TMEM245: variants seen among roughly 807,000 people sequenced by gnomAD.
TMEM245 encodes protein CG-2.
TMEM245 carries 69 observed loss-of-function variants against 101.2 expected under a neutral mutation model. The ratio of observed to expected loss-of-function variants is 0.68; its 90% CI spans 0.56 to 0.83. The LOEUF (loss-of-function observed/expected upper bound fraction) is 0.83. Ranked by LOEUF, TMEM245 falls within the 40% of genes least tolerant of loss-of-function variation. The pLI is 0.00. For missense variants in TMEM245, 1,075 were observed against 1,092.8 expected (o/e 0.98, Z 0.23); for synonymous variants, 537 against 449.8 (o/e 1.19, Z -2.45).
rs576858233 is a variant in TMEM245, at chr9:109,099,985, T to C, written c.800-6394A>G. The stretch of plus-strand genomic sequence containing the variant: ...CTCACCAGATGCCAGCACCTTGACA[T>C]TGGCCTTCTCAGCCTCCAGAACTGT... On this transcript the variant is annotated intron_variant, in intron 3 of 17. Coordinates refer to ENST00000374586, the MANE Select transcript of TMEM245 (RefSeq NM_032012.4). 3.3e-5 allele frequency among the ~76,000 whole-genome samples: 5 copies of C among 152,312 alleles called. No individual in the cohort carries two copies. The South Asian group carries it at 8.3e-4, about 25-fold the overall frequency.
At chr9:109,075,922 A>C (rs1196265203) in intron 8 of TMEM245, among the ~76,000 whole-genome samples, 3 of 152,190 alleles carry the variant, frequency 2.0e-5, no homozygotes, top group Non-Finnish European at 4.4e-5. Flanking sequence ...CTAGCTTCTG[A>C]AGGTGGAAAC....
chr9:109,083,901 C>CAAAAAAAAAAAAAAAAAAAAAA lies in TMEM245; in HGVS notation c.1344+2074_1344+2095dup. Among the ~76,000 whole-genome samples, 95 of 34,468 alleles carry CAAAAAAAAAAAAAAAAAAAAAA rather than the reference C, an allele frequency of 2.8e-3. 19 individuals carry two copies. The highest frequency in any genetic ancestry group is 4.2e-3 in the East Asian group (3 of 722). 22.6% of individuals were successfully genotyped at this position (34,468 alleles called of 152,430 possible). Reference sequence around the variant, plus strand: ...CAAAACCCCATCTCTACTAAAAATACAAAAAAAAAAAAAAAAAAAAAAAAA... The same window carrying CAAAAAAAAAAAAAAAAAAAAAA: ...CAAAACCCCATCTCTACTAAAAATACAAAAAAAAAAAAAAAAAAAAAAAAAAAAAAAAAAAAAAAAAAAAAAA... On this transcript the variant is annotated intron_variant, in intron 7 of 17. Transcript: ENST00000374586.
At chr9:109,040,693 G>A (rs1187080782) in intron 14 of TMEM245, among the ~76,000 whole-genome samples, 2 of 152,200 alleles carry the variant, frequency 1.3e-5, no homozygotes, top group Non-Finnish European at 1.5e-5. Flanking sequence ...CATTCACGTT[G>A]TCGTGTAGCT....
intron 5 of TMEM245, among the ~76,000 whole-genome samples, chr9:109,090,260 CA>C (rs546819583): frequency 0.011 from 1,560 of 143,876 alleles, 12 homozygotes; most frequent in South Asian, 0.034. Context: ...GACTCCGTCT[CA>C]AAAAAAAAAC....
At chr9:109,040,265 T>C (rs1828263035) in intron 14 of TMEM245, among the ~76,000 whole-genome samples, 1 of 152,214 alleles carries the variant, frequency 6.6e-6, no homozygotes, top group Admixed American at 6.5e-5. Context: ...AGAAAAATCC[T>C]CTTACAATTT....
chr9:109,086,004 T>G lies in TMEM245; in HGVS notation c.1337A>C (p.Asn446Thr), dbSNP rs765896993. 28 of 1,614,010 alleles carry G rather than the reference T, an allele frequency of 1.7e-5. No individual in the cohort carries two copies. In the South Asian group the frequency reaches 2.9e-4, roughly 16 times the overall value. Residue 446 changes from asparagine (N) to threonine (T), a missense_variant, in exon 7 of 18, where the codon AAT becomes ACT. By Grantham distance (65) the Asn-to-Thr change is moderately conservative. Coordinates refer to ENST00000374586, the MANE Select transcript of TMEM245 (RefSeq NM_032012.4). Reference sequence around the variant, plus strand: ...ATCTGGGTGTTCATTTACCTTCTTATTTAGCCAGTGCCAGAGCTTGAGGAT... The same window carrying G: ...ATCTGGGTGTTCATTTACCTTCTTAGTTAGCCAGTGCCAGAGCTTGAGGAT... ...KVDSKLWHWL[N>T]KKMIIWLEKM...
chr9:109,092,439 G>T (rs1404459632), intron 4 of TMEM245, among the ~76,000 whole-genome samples: 3 of 152,214 alleles, frequency 2.0e-5, no homozygotes, highest in Non-Finnish European at 4.4e-5. Context: ...CCTTAAAAGT[G>T]CAGGGCTAAA....
chr9:109,099,155 T>A (rs1830219127), intron 3 of TMEM245, among the ~76,000 whole-genome samples: 1 of 152,192 alleles, frequency 6.6e-6, no homozygotes, highest in Non-Finnish European at 1.5e-5. Context: ...GGCTTCTGTT[T>A]CCATTACTAA....
chr9:109,107,418 G>A (rs1830458448), intron 2 of TMEM245, among the ~76,000 whole-genome samples: 1 of 110,566 alleles, frequency 9.0e-6, no homozygotes, highest in East Asian at 2.9e-4. Context: ...AAAAAAAAAA[G>A]TTCACAAGTC....
Position 109,018,794 on chromosome 9 carries a change from G to C in TMEM245, c.*1666C>G, listed in dbSNP as rs752896165. 1 of 151,680 alleles carries C rather than the reference G, an allele frequency of 6.6e-6. No individual in the cohort carries two copies. The highest frequency in any genetic ancestry group is 1.5e-5 in the Non-Finnish European group (1 of 68,036). The allele number at this position is 151,680 out of a possible 1,614,324, so 9.4% of individuals were successfully genotyped here. ...TCTCTCACCCAGGCTGGAGTGCAGT[G>C]GCGCCATCTTGGCTCACTGCAGCCT... On this transcript the variant is annotated 3_prime_UTR_variant, in exon 18 of 18. Transcript: ENST00000374586.
intron 5 of TMEM245, among the ~76,000 whole-genome samples, chr9:109,087,985 C>T (rs908512220): frequency 6.6e-6 from 1 of 152,176 alleles, no homozygotes; most frequent in East Asian, 1.9e-4. Context: ...GGACCACTCT[C>T]AAACCACACT....
intron 10 of TMEM245, among the ~76,000 whole-genome samples, chr9:109,061,327 C>A (rs1829005915): frequency 6.6e-6 from 1 of 151,868 alleles, no homozygotes; most frequent in Admixed American, 6.6e-5. Flanking sequence ...GAAAAAAAAA[C>A]AAAAACCCAA....
chr9:109,119,704 C>G lies in TMEM245; in HGVS notation c.210G>C (p.Ala70=). 2 of 1,549,126 alleles carry G rather than the reference C, an allele frequency of 1.3e-6. No homozygotes were observed. Among genetic ancestry groups the G allele is most frequent in the African/African-American group, 1.4e-5 (1 of 71,692 alleles). ...VLFVCLCCGA[A]VLVYFILEAF... Reference sequence around the variant, plus strand: ...CCTCCAGGATGAAGTAGACCAGCACCGCGGCGCCGCAGCACAGGCACACGA... The same window carrying G: ...CCTCCAGGATGAAGTAGACCAGCACGGCGGCGCCGCAGCACAGGCACACGA... The change falls in exon 1 of 18, where the codon GCG becomes GCC. Residue 70 remains alanine (A), a synonymous_variant. Coordinates refer to ENST00000374586, the MANE Select transcript of TMEM245 (RefSeq NM_032012.4).
chr9:109,039,790 C>G (rs1050183013), intron 14 of TMEM245, among the ~76,000 whole-genome samples: 6 of 150,868 alleles, frequency 4.0e-5, no homozygotes, highest in African/African-American at 1.5e-4. Context: ...TCCCGGAGAC[C>G]AAGGGAGAAG....
chr9:109,097,515 T>C (rs2132600478), intron 3 of TMEM245, among the ~76,000 whole-genome samples: 1 of 152,316 alleles, frequency 6.6e-6, no homozygotes, highest in Admixed American at 6.5e-5. Context: ...TCTTACTACT[T>C]AGATGGCTAT....
At position 109,050,563 on chromosome 9, in the gene TMEM245, G is replaced by A; in HGVS notation, c.1977+7C>T. ...AATATGACGTGTACTTATCTATGTG[G>A]ACGTACCAGAGAGAGTACAAAATTG... On this transcript the variant is annotated splice_region_variant and intron_variant, in intron 13 of 17. Transcript: ENST00000374586. 6.2e-7 allele frequency: 1 copy of A among 1,613,878 alleles called. No individual in the cohort carries two copies. The highest frequency in any genetic ancestry group is 8.5e-7 in the Non-Finnish European group (1 of 1,179,964).
At chr9:109,030,796 T>A (rs1827922792) in intron 17 of TMEM245, among the ~76,000 whole-genome samples, 1 of 152,230 alleles carries the variant, frequency 6.6e-6, no homozygotes, top group Non-Finnish European at 1.5e-5. Context: ...TTGGCTAAAA[T>A]GGCCCCCTAA....
chr9:109,112,033 C>T (rs938315664), intron 1 of TMEM245, among the ~76,000 whole-genome samples: 1 of 151,940 alleles, frequency 6.6e-6, no homozygotes, highest in South Asian at 2.1e-4. Context: ...AGAAAAGATT[C>T]GCAGAAGTAA....
chr9:109,092,422 A>G (rs1337710353), intron 4 of TMEM245, among the ~76,000 whole-genome samples: 1 of 152,240 alleles, frequency 6.6e-6, no homozygotes. Context: ...TAGGACCAAC[A>G]TTCTACCCTT....
Sources: allele counts gnomAD v4.1 joint callset (sites outside exome capture counted in the v4.1 genomes callset), GRCh38; gene constraint gnomAD v4.1.1; transcripts MANE v1.5; gene names NCBI Gene and HGNC (gene_info 2026-07-23, HGNC 2026-07-21).